BCL11B: variants seen among roughly 807,000 people sequenced by gnomAD.
BCL11B encodes BCL11 transcription factor B.
Under a neutral mutation model 49.9 loss-of-function variants are expected in BCL11B, and 8 were observed. The observed-to-expected ratio is 0.16, with a 90% CI of 0.09 to 0.29. The LOEUF (loss-of-function observed/expected upper bound fraction) is 0.29, where lower values mean the gene tolerates loss of function less well. Among genes scored for constraint, BCL11B ranks in the 10% least tolerant of loss-of-function variants. BCL11B has a pLI of 1.00. For missense variants in BCL11B, 1,006 were observed against 1,351.0 expected (o/e 0.74, Z 4.00); for synonymous variants, 739 against 637.4 (o/e 1.16, Z -2.40).
At chr14:99,211,905 A>G (rs1308938881) in intron 3 of BCL11B, among the ~76,000 whole-genome samples, 1 of 151,940 alleles carries the variant, frequency 6.6e-6, no homozygotes, top group African/African-American at 2.4e-5. Flanking sequence ...TCTTACTTAT[A>G]AGAAGAAGAA....
intron 3 of BCL11B, among the ~76,000 whole-genome samples, chr14:99,207,431 C>G (rs1887563937): frequency 6.6e-6 from 1 of 152,144 alleles, no homozygotes; most frequent in African/African-American, 2.4e-5. Context: ...ACCAGAAAAT[C>G]CCCCATGAAG....
intron 3 of BCL11B, among the ~76,000 whole-genome samples, chr14:99,207,966 C>T (rs1342266513): frequency 2.6e-5 from 4 of 152,286 alleles, no homozygotes; most frequent in Middle Eastern, 3.4e-3. Flanking sequence ...CCCACACCAG[C>T]GGAGCAGCAT....
At chr14:99,193,627 A>G (rs1337828199) in intron 3 of BCL11B, among the ~76,000 whole-genome samples, 1 of 152,206 alleles carries the variant, frequency 6.6e-6, no homozygotes, top group East Asian at 1.9e-4. Context: ...TTCTAAAAAA[A>G]TGAAATAAAT....
At chr14:99,263,628 G>A (rs1008078511) in intron 1 of BCL11B, among the ~76,000 whole-genome samples, 5 of 152,196 alleles carry the variant, frequency 3.3e-5, no homozygotes, top group East Asian at 1.9e-4. Context: ...CTAATTTTAG[G>A]ATGCTTAAGC....
chr14:99,222,859 T>A lies in BCL11B; in HGVS notation c.640+8486A>T, dbSNP rs1355025564. On this transcript the variant is annotated intron_variant, in intron 3 of 3. Transcript: ENST00000357195. ...TCCCTTTCTTTCTTTCTTTCTTTCT[T>A]TCCTTCTTTCCTTCCTTTCTTTCCT... 5.3e-5 allele frequency among the ~76,000 whole-genome samples: 8 copies of A among 151,950 alleles called. No homozygotes were observed. The East Asian group carries it at 1.5e-3, about 29-fold the overall frequency.
intron 3 of BCL11B, among the ~76,000 whole-genome samples, chr14:99,199,986 C>G (rs1887327647): frequency 6.6e-6 from 1 of 151,890 alleles, no homozygotes; most frequent in Non-Finnish European, 1.5e-5. Flanking sequence ...AAAAACCTCA[C>G]CAGTTCTGTT....
chr14:99,252,120 C>G (rs958085773), intron 2 of BCL11B, among the ~76,000 whole-genome samples: 2 of 152,190 alleles, frequency 1.3e-5, no homozygotes, highest in Non-Finnish European at 2.9e-5. Context: ...ATCCCAACAC[C>G]CAAACCCCAG....
chr14:99,252,593 C>A (rs1326647846), intron 2 of BCL11B, among the ~76,000 whole-genome samples: 1 of 152,202 alleles, frequency 6.6e-6, no homozygotes. Context: ...CCCGCGTCCT[C>A]CCTAGGTTGT....
intron 3 of BCL11B, among the ~76,000 whole-genome samples, chr14:99,180,180 G>T (rs1380083562): frequency 1.3e-5 from 2 of 152,160 alleles, no homozygotes; most frequent in Admixed American, 1.3e-4. Flanking sequence ...CTTTATGCTA[G>T]CGGCCCAGAC....
intron 3 of BCL11B, among the ~76,000 whole-genome samples, chr14:99,218,317 T>C (rs1190864284): frequency 6.7e-6 from 1 of 150,228 alleles, no homozygotes; most frequent in Non-Finnish European, 1.5e-5. Flanking sequence ...CCTGACCTCG[T>C]GATCCGCCCG....
At chr14:99,218,384 AT>A (rs1173964833) in intron 3 of BCL11B, among the ~76,000 whole-genome samples, 1 of 151,602 alleles carries the variant, frequency 6.6e-6, no homozygotes, top group Non-Finnish European at 1.5e-5. Context: ...CCGGCCACAG[AT>A]TTTTTTAAGC....
chr14:99,231,897 C>T lies in BCL11B; in HGVS notation c.428-340G>A, dbSNP rs1460797586. The stretch of plus-strand genomic sequence containing the variant: ...CAGGAAGGACCCCCCACGTGGGGGC[C>T]TCTGGAGCAATCAAATAGGTTCCAT... On this transcript the variant is annotated intron_variant, in intron 2 of 3. Transcript: ENST00000357195. This position sits in a 1 kb window ranked among gnomAD's most constrained non-coding sequence, Gnocchi z 8.1. Among the ~76,000 whole-genome samples, 2 of 151,946 alleles carry T rather than the reference C, an allele frequency of 1.3e-5. No individual in the cohort carries two copies. The highest frequency in any genetic ancestry group is 4.8e-5 in the African/African-American group (2 of 41,396).
Position 99,174,801 on chromosome 14 carries a change from G to A in BCL11B, c.2035C>T (p.Pro679Ser), listed in dbSNP as rs754746674. ...CGCTTGGCGGCGCTGTTGAGCCCGG[G>A]GCTGGGCAGCGGCGCGGGCTTGCGC... ...FPRKPAPLPS[P>S]GLNSAAKRIK... Residue 679 changes from proline (P) to serine (S), a missense_variant, in exon 4 of 4, where the codon CCC becomes TCC. By Grantham distance (74) the Pro-to-Ser change is moderately conservative. Around this residue, in one of 6 missense-constraint regions of BCL11B, gnomAD observed 443 missense variants for 499.7 expected, o/e 0.89. Transcript: ENST00000357195. 66 of 1,430,486 alleles carry A rather than the reference G, an allele frequency of 4.6e-5. 1 individual carries two copies. The South Asian group carries it at 6.8e-4, about 15-fold the overall frequency. The allele number at this position is 1,430,486 out of a possible 1,614,324, so 88.6% of individuals were successfully genotyped here.
At position 99,228,153 on chromosome 14, in the gene BCL11B, C is replaced by A. The variant is rs1254954353; in HGVS notation, c.640+3192G>T. On this transcript the variant is annotated intron_variant, in intron 3 of 3. Transcript: ENST00000357195. This position sits in a 1 kb window ranked among gnomAD's most constrained non-coding sequence, Gnocchi z 4.8. ...CCATGTTAACTTGAAGAGATGGGTT[C>A]AATGCATCCTGATCCGAAAAGGGAC... is the stretch of plus-strand genomic sequence containing the variant. Among the ~76,000 whole-genome samples, 1 of 152,214 alleles carries A rather than the reference C, an allele frequency of 6.6e-6. No homozygotes were observed. Among genetic ancestry groups the A allele is most frequent in the Non-Finnish European group, 1.5e-5 (1 of 68,040 alleles).
chr14:99,179,340 G>A (rs1405357706), intron 3 of BCL11B, among the ~76,000 whole-genome samples: 5 of 152,040 alleles, frequency 3.3e-5, no homozygotes, highest in Admixed American at 6.6e-5. Flanking sequence ...CGGGTGTGGT[G>A]GCATATGCCT....
At chr14:99,212,114 G>A (rs945411666) in intron 3 of BCL11B, among the ~76,000 whole-genome samples, 1 of 152,076 alleles carries the variant, frequency 6.6e-6, no homozygotes, top group African/African-American at 2.4e-5. Context: ...TTTCCAGGAG[G>A]TGCCATCAAC....
At chr14:99,239,177 A>G (rs879472211) in intron 2 of BCL11B, among the ~76,000 whole-genome samples, 8 of 152,148 alleles carry the variant, frequency 5.3e-5, no homozygotes, top group South Asian at 2.1e-4. Context: ...TTTTCCTCTC[A>G]ATTTAGGTTT....
At chr14:99,198,528 T>C (rs930312931) in intron 3 of BCL11B, among the ~76,000 whole-genome samples, 1 of 152,148 alleles carries the variant, frequency 6.6e-6, no homozygotes, top group South Asian at 2.1e-4. Flanking sequence ...CACTCTCTTT[T>C]CCATGATTAT....
In BCL11B at chr14:99,205,452, G is replaced by C. The variant is rs559403800; in HGVS notation, c.640+25893C>G. Among the ~76,000 whole-genome samples, 1 of 152,182 alleles carries C rather than the reference G, an allele frequency of 6.6e-6. No individual in the cohort carries two copies. Among genetic ancestry groups the C allele is most frequent in the South Asian group, 2.1e-4 (1 of 4,824 alleles). On this transcript the variant is annotated intron_variant, in intron 3 of 3. Coordinates refer to ENST00000357195, the MANE Select transcript of BCL11B (RefSeq NM_138576.4). The surrounding 1 kb of genome is among the most constrained non-coding windows in gnomAD (Gnocchi z 5.0). ...GCATCTCCCACTTCTACAATGACTGGTTAAATGCGCCCAAGGACCAGGCGC... is the reference window on the plus strand; with the variant it reads ...GCATCTCCCACTTCTACAATGACTGCTTAAATGCGCCCAAGGACCAGGCGC...
Sources: allele counts gnomAD v4.1 joint callset (sites outside exome capture counted in the v4.1 genomes callset), GRCh38; gene constraint gnomAD v4.1.1; regional missense constraint gnomAD v4.1.1; non-coding constraint Gnocchi (gnomAD v3.1); transcripts MANE v1.5; gene names NCBI Gene and HGNC (gene_info 2026-07-23, HGNC 2026-07-21).